Variants in IL1RAPL2 observed in about 807,000 individuals in gnomAD.
IL1RAPL2 encodes interleukin 1 receptor accessory protein like 2.
IL1RAPL2 carries 3 observed loss-of-function variants against 44.1 expected under a neutral mutation model. The ratio of observed to expected loss-of-function variants is 0.07; its 90% CI spans 0.03 to 0.18. The LOEUF is 0.18. Ranked by LOEUF, IL1RAPL2 falls within the 10% of genes least tolerant of loss-of-function variation. The probability of loss-of-function intolerance (pLI) is 1.00; values close to 1 mark genes in which losing one functional copy is unlikely to be tolerated. For missense variants in IL1RAPL2, 391 were observed against 496.4 expected, an observed-to-expected ratio of 0.79 and a Z score of 2.02; for synonymous variants, 181 against 178.8, an observed-to-expected ratio of 1.01 and a Z score of -0.10.
intron 6 of IL1RAPL2, among the ~76,000 whole-genome samples, chrX:105,594,101 A>G (rs1036150150): frequency 9.0e-6 from 1 of 111,534 alleles, no homozygotes; most frequent in Non-Finnish European, 1.9e-5. Flanking sequence ...TGAGATTTTT[A>G]CTATTGATAG....
At chrX:105,728,820 A>G (rs919094577) in intron 7 of IL1RAPL2, among the ~76,000 whole-genome samples, 6 of 111,593 alleles carry the variant, frequency 5.4e-5, no homozygotes, top group African/African-American at 1.9e-4. Context: ...CCATTACTGT[A>G]TCATACAGAA....
At chrX:105,477,464 A>T (rs141058194) in intron 5 of IL1RAPL2, among the ~76,000 whole-genome samples, 221 of 109,812 alleles carry the variant, frequency 2.0e-3, no homozygotes, top group African/African-American at 6.9e-3. Flanking sequence ...TAATCACAAT[A>T]AAAAAATGAC....
rs191794937 is a variant in IL1RAPL2, at chrX:105,615,203, G to A, written c.773-102164G>A. 5.2e-4 allele frequency among the ~76,000 whole-genome samples: 58 copies of A among 111,514 alleles called. 1 individual carries two copies. The highest frequency in any genetic ancestry group is 1.8e-3 in the African/African-American group (54 of 30,746). ...AACAAATGCTGGCGAGGACACGGAGGAAAAGGAACTCTCGTCCACTGTTGG... is the reference window on the plus strand; with the variant it reads ...AACAAATGCTGGCGAGGACACGGAGAAAAAGGAACTCTCGTCCACTGTTGG... On this transcript the variant is annotated intron_variant, in intron 6 of 10. Coordinates refer to ENST00000372582, the MANE Select transcript of IL1RAPL2 (RefSeq NM_017416.2).
chrX:105,145,427 G>A (rs2033170962), intron 2 of IL1RAPL2, among the ~76,000 whole-genome samples: 1 of 111,361 alleles, frequency 9.0e-6, no homozygotes, highest in African/African-American at 3.3e-5. Flanking sequence ...CCCTGCAATC[G>A]GTAGTTGAGT....
rs146286774 is a variant in IL1RAPL2 at position 105,173,669 on chromosome X, G to A, written c.83-21806G>A. The stretch of plus-strand genomic sequence containing the variant: ...CCCTCTAGAGCTTTCTCACCCAGCC[G>A]TCTGCTAGCATATGGAGTTGATGTT... On this transcript the variant is annotated intron_variant, in intron 2 of 10. Coordinates refer to ENST00000372582, the MANE Select transcript of IL1RAPL2 (RefSeq NM_017416.2). 1.1e-3 allele frequency among the ~76,000 whole-genome samples: 125 copies of A among 110,671 alleles called. 2 individuals carry two copies. The East Asian group carries it at 0.032, about 28-fold the overall frequency.
chrX:105,271,120 A>C (rs2147658260), intron 5 of IL1RAPL2, among the ~76,000 whole-genome samples: 1 of 112,512 alleles, frequency 8.9e-6, no homozygotes, highest in East Asian at 2.8e-4. Context: ...CATTTGCTTT[A>C]ATGAAATAAT....
chrX:105,540,477 G>C lies in IL1RAPL2; in HGVS notation c.772+56090G>C, dbSNP rs962366948. Among the ~76,000 whole-genome samples, 8 of 109,820 alleles carry C rather than the reference G, an allele frequency of 7.3e-5. No individual in the cohort carries two copies. The East Asian group carries it at 2.0e-3, about 28-fold the overall frequency. On this transcript the variant is annotated intron_variant, in intron 6 of 10. Transcript: ENST00000372582. ...TCTCACAAGTGGGAGCTGAATATTGGGTACTCGTGGACATAAAGATGGCAA... is the reference window on the plus strand; with the variant it reads ...TCTCACAAGTGGGAGCTGAATATTGCGTACTCGTGGACATAAAGATGGCAA...
At chrX:104,902,662 A>G (rs1291887132) in intron 2 of IL1RAPL2, among the ~76,000 whole-genome samples, 1 of 112,294 alleles carries the variant, frequency 8.9e-6, no homozygotes, top group Non-Finnish European at 1.9e-5. Context: ...GTGGATAATT[A>G]ATGAATAATG....
chrX:105,550,357 AT>A (rs1215263436), intron 6 of IL1RAPL2, among the ~76,000 whole-genome samples: 2 of 112,039 alleles, frequency 1.8e-5, no homozygotes, highest in African/African-American at 3.2e-5. Context: ...AGCTCAATAA[AT>A]TTTTTTAAAC....
At chrX:104,616,880 C>T (rs1338206508) in intron 1 of IL1RAPL2, among the ~76,000 whole-genome samples, 1 of 112,164 alleles carries the variant, frequency 8.9e-6, no homozygotes, top group Non-Finnish European at 1.9e-5. Context: ...TACCCTTTCC[C>T]TATTGCAGTT....
intron 2 of IL1RAPL2, among the ~76,000 whole-genome samples, chrX:105,105,512 A>T (rs1256571616): frequency 1.8e-5 from 2 of 112,590 alleles, no homozygotes; most frequent in Non-Finnish European, 3.8e-5. Context: ...TGCCAGGCAG[A>T]CACTGTTTCT....
At chrX:104,779,728 G>C (rs1423268153) in intron 2 of IL1RAPL2, among the ~76,000 whole-genome samples, 1 of 111,309 alleles carries the variant, frequency 9.0e-6, no homozygotes, top group Non-Finnish European at 1.9e-5. Flanking sequence ...GAAAAATTAG[G>C]GACCAGGTCA....
chrX:105,540,544 C>A (rs1456623396), intron 6 of IL1RAPL2, among the ~76,000 whole-genome samples: 4 of 108,517 alleles, frequency 3.7e-5, no homozygotes, highest in Non-Finnish European at 7.6e-5. Context: ...GGGAGATTCT[C>A]TCTCTAAGCA....
intron 2 of IL1RAPL2, among the ~76,000 whole-genome samples, chrX:104,922,677 A>G (rs1229367017): frequency 8.9e-6 from 1 of 112,213 alleles, no homozygotes; most frequent in Non-Finnish European, 1.9e-5. Context: ...CCGAAATGAA[A>G]GTAAGTTTAA....
At chrX:105,167,612 G>A (rs1022287186) in intron 2 of IL1RAPL2, among the ~76,000 whole-genome samples, 4 of 98,406 alleles carry the variant, frequency 4.1e-5, no homozygotes, top group African/African-American at 1.5e-4. Context: ...GCATAGCAAT[G>A]CCTCCTCCCC....
chrX:105,477,270 C>A, intron 5 of IL1RAPL2, among the ~76,000 whole-genome samples: 1 of 111,591 alleles, frequency 9.0e-6, no homozygotes, highest in African/African-American at 3.2e-5. Context: ...TTTTTCTATA[C>A]TTTTTCCTGG....
intron 2 of IL1RAPL2, among the ~76,000 whole-genome samples, chrX:104,673,407 T>C (rs1930664408): frequency 9.0e-6 from 1 of 111,221 alleles, no homozygotes; most frequent in Non-Finnish European, 1.9e-5. Context: ...CAGATAGTTG[T>C]AGATATGCGG....
chrX:105,741,190 A>G (rs1410897319), intron 8 of IL1RAPL2, among the ~76,000 whole-genome samples: 1 of 112,033 alleles, frequency 8.9e-6, no homozygotes, highest in East Asian at 2.8e-4. Context: ...AGAGATCTTT[A>G]TCAGGTGCAT....
chrX:104,773,526 G>A (rs1339459749), intron 2 of IL1RAPL2, among the ~76,000 whole-genome samples: 1 of 111,600 alleles, frequency 9.0e-6, no homozygotes, highest in African/African-American at 3.3e-5. Context: ...GGCATATGAG[G>A]TAGGCCTAAG....
Sources: gnomAD v4.1 joint callset for allele counts (sites outside exome capture counted in the v4.1 genomes callset) on GRCh38, gnomAD v4.1.1 for gene constraint, MANE v1.5 for transcripts, NCBI Gene and HGNC (gene_info 2026-07-23, HGNC 2026-07-21) for gene names.